MTA3: variants seen among roughly 807,000 people sequenced by gnomAD.
MTA3 encodes the protein metastasis associated 1 family member 3, also known as metastasis-associated protein MTA3.
MTA3 carries 34 observed loss-of-function variants against 83.5 expected under a neutral mutation model. That is an observed-to-expected ratio of 0.41 (90% CI 0.31 to 0.54). The LOEUF (loss-of-function observed/expected upper bound fraction) is 0.54, where lower values mean the gene tolerates loss of function less well. Among genes scored for constraint, MTA3 ranks in the 20% least tolerant of loss-of-function variants. MTA3 has a pLI of 0.33. For missense variants in MTA3, 761 were observed against 726.4 expected (o/e 1.05, Z -0.55); for synonymous variants, 303 against 252.7 (o/e 1.20, Z -1.89).
chr2:42,732,048 T>C (rs1256081898), intron 16 of MTA3, among the ~76,000 whole-genome samples: 1 of 152,152 alleles, frequency 6.6e-6, no homozygotes, highest in Non-Finnish European at 1.5e-5. Flanking sequence ...CAAAATGACC[T>C]GGTACACAGT....
intron 4 of MTA3, among the ~76,000 whole-genome samples, chr2:42,631,354 T>TTA (rs1686654920): frequency 6.6e-6 from 1 of 152,208 alleles, no homozygotes; most frequent in Admixed American, 6.5e-5. Context: ...AGATGTGTGT[T>TTA]TATACTATAT....
chr2:42,524,482 T>TTTGG (rs1553337449), intron 2 of MTA3, among the ~76,000 whole-genome samples: 3 of 62,434 alleles, frequency 4.8e-5, no homozygotes, highest in Non-Finnish European at 6.9e-5. Context: ...GTTTTTTTTT[T>TTTGG]TTTTTTTTTT....
intron 16 of MTA3, among the ~76,000 whole-genome samples, chr2:42,726,236 C>T (rs903940237): frequency 2.0e-4 from 31 of 152,160 alleles, no homozygotes; most frequent in Non-Finnish European, 4.4e-4. Flanking sequence ...GAATTGGAAA[C>T]AACACCCGGG....
At chr2:42,700,860 G>A (rs1693803871) in intron 11 of MTA3, among the ~76,000 whole-genome samples, 1 of 152,194 alleles carries the variant, frequency 6.6e-6, no homozygotes, top group African/African-American at 2.4e-5. Flanking sequence ...CAGCAACTTG[G>A]GAAGCTGAGG....
chr2:42,599,387 G>A (rs1682260036), intron 3 of MTA3, among the ~76,000 whole-genome samples: 1 of 152,064 alleles, frequency 6.6e-6, no homozygotes, highest in South Asian at 2.1e-4. Context: ...AAGGTCAGGA[G>A]ATCGAGACCA....
chr2:42,549,240 TATATA>T (rs1367967452), intron 2 of MTA3, among the ~76,000 whole-genome samples: 20 of 133,052 alleles, frequency 1.5e-4, no homozygotes, highest in East Asian at 1.3e-3. Flanking sequence ...TATGTATACG[TATATA>T]ATATATTATA....
intron 14 of MTA3, among the ~76,000 whole-genome samples, chr2:42,716,314 A>G (rs1667026094): frequency 6.6e-6 from 1 of 152,166 alleles, no homozygotes; most frequent in Non-Finnish European, 1.5e-5. Context: ...GTCTATTTTA[A>G]TGTTTTTAAA....
At chr2:42,650,013 G>C (rs1688564194) in intron 6 of MTA3, among the ~76,000 whole-genome samples, 1 of 152,124 alleles carries the variant, frequency 6.6e-6, no homozygotes, top group Non-Finnish European at 1.5e-5. Flanking sequence ...GGTTTTGAGA[G>C]TTTTATCCTA....
chr2:42,615,948 C>T (rs1290748429), intron 4 of MTA3, among the ~76,000 whole-genome samples: 2 of 150,724 alleles, frequency 1.3e-5, no homozygotes, highest in East Asian at 2.0e-4. Context: ...TCTTGATCTC[C>T]TGACCTCGTG....
chr2:42,750,888 C>G (rs1296924643), intron 16 of MTA3, among the ~76,000 whole-genome samples: 1 of 152,192 alleles, frequency 6.6e-6, no homozygotes, highest in East Asian at 1.9e-4. Flanking sequence ...AGCTGCTTCT[C>G]AAAGAGCCTT....
intron 16 of MTA3, among the ~76,000 whole-genome samples, chr2:42,741,791 A>G (rs1669052471): frequency 6.6e-6 from 1 of 152,196 alleles, no homozygotes; most frequent in South Asian, 2.1e-4. Context: ...AACATCAAAG[A>G]TCACCAATTA....
chr2:42,722,877 T>C lies in MTA3; in HGVS notation c.1613-12T>C, dbSNP rs1311190279. 5.2e-6 allele frequency: 8 copies of C among 1,550,790 alleles called. No individual in the cohort carries two copies. The highest frequency in any genetic ancestry group is 2.4e-5 in the East Asian group (1 of 40,898). The stretch of plus-strand genomic sequence containing the variant: ...CATGTTCTGAATTGAGAAACCTTTT[T>C]TCCCCCATCAGAGATCCATCCTGCA... On this transcript the variant is annotated splice_polypyrimidine_tract_variant and intron_variant, in intron 15 of 16. Coordinates refer to ENST00000405094, the MANE Select transcript of MTA3 (RefSeq NM_001330442.2).
At chr2:42,529,192 G>A (rs1240934916) in intron 2 of MTA3, among the ~76,000 whole-genome samples, 1 of 152,114 alleles carries the variant, frequency 6.6e-6, no homozygotes, top group African/African-American at 2.4e-5. Context: ...TGTATAAATA[G>A]ATAAAAAGGA....
At chr2:42,590,228 G>A (rs1402199375) in intron 3 of MTA3, among the ~76,000 whole-genome samples, 14 of 152,120 alleles carry the variant, frequency 9.2e-5, no homozygotes. Context: ...CCCTGGTGTT[G>A]GAGGTGGGGC....
chr2:42,496,775 A>G (rs900105319), intron 2 of MTA3, among the ~76,000 whole-genome samples: 9 of 152,080 alleles, frequency 5.9e-5, no homozygotes, highest in African/African-American at 2.2e-4. Context: ...CTCTGTTTCC[A>G]GGGCCTGGAT....
chr2:42,675,610 G>A (rs1469852170), intron 8 of MTA3, among the ~76,000 whole-genome samples: 1 of 151,986 alleles, frequency 6.6e-6, no homozygotes, highest in Non-Finnish European at 1.5e-5. Context: ...CTCCTCTCCA[G>A]TTAGGAAATC....
At chr2:42,595,816 A>C (rs1045220723) in intron 3 of MTA3, among the ~76,000 whole-genome samples, 1 of 152,184 alleles carries the variant, frequency 6.6e-6, no homozygotes, top group Non-Finnish European at 1.5e-5. Context: ...ATAATGATTT[A>C]ACAATAATAG....
At chr2:42,571,844 G>C (rs146584005) in intron 2 of MTA3, among the ~76,000 whole-genome samples, 4 of 152,084 alleles carry the variant, frequency 2.6e-5, no homozygotes, top group Admixed American at 2.0e-4. Flanking sequence ...CCACTTGGGA[G>C]GCTGAGGCAG....
intron 6 of MTA3, among the ~76,000 whole-genome samples, chr2:42,647,169 A>AAAAAAAAAAAAACC (rs1688288622): frequency 6.7e-6 from 1 of 148,482 alleles, no homozygotes; most frequent in South Asian, 2.1e-4. Context: ...AAAAAAAAAC[A>AAAAAAAAAAAAACC]AAAAAGAAAG....
Sources: allele counts gnomAD v4.1 joint callset (sites outside exome capture counted in the v4.1 genomes callset), GRCh38; gene constraint gnomAD v4.1.1; transcripts MANE v1.5; gene names NCBI Gene and HGNC (gene_info 2026-07-23, HGNC 2026-07-21).